Variants in GLRA3 observed in about 807,000 individuals in gnomAD.
The protein encoded by GLRA3 is glycine receptor subunit alpha-3.
GLRA3 carries 44 observed loss-of-function variants against 60.4 expected under a neutral mutation model. The ratio of observed to expected loss-of-function variants is 0.73; its 90% CI spans 0.57 to 0.94. GLRA3 has a LOEUF of 0.94. GLRA3 is among the 40% of genes least tolerant of loss of function. The pLI, the probability that GLRA3 is intolerant of heterozygous loss-of-function variation, is 0.00. For missense variants in GLRA3, 508 were observed against 564.6 expected (o/e 0.90, Z 1.02); for synonymous variants, 223 against 192.9 (o/e 1.16, Z -1.29).
intron 9 of GLRA3, among the ~76,000 whole-genome samples, chr4:174,645,367 G>A (rs1022453570): frequency 2.1e-5 from 3 of 143,264 alleles, no homozygotes; most frequent in African/African-American, 8.0e-5. Context: ...AGCTGAGATC[G>A]CACCACTGCA....
chr4:174,637,407 A>G lies in GLRA3; in HGVS notation c.*6379T>C, dbSNP rs1327750338. ...CCCCCCCCATATTATCATTTATCATACATTAAAATACAAATTTAAGTAATG... is the reference window on the plus strand; with the variant it reads ...CCCCCCCCATATTATCATTTATCATGCATTAAAATACAAATTTAAGTAATG... On this transcript the variant is annotated 3_prime_UTR_variant, in exon 10 of 10. Transcript: ENST00000274093. 1 of 152,034 alleles carries G rather than the reference A, an allele frequency of 6.6e-6. No individual in the cohort carries two copies. Among genetic ancestry groups the G allele is most frequent in the Non-Finnish European group, 1.5e-5 (1 of 68,012 alleles). 9.4% of individuals were successfully genotyped at this position (152,034 alleles called of 1,614,324 possible).
intron 3 of GLRA3, among the ~76,000 whole-genome samples, chr4:174,741,261 AAATT>A (rs1232457896): frequency 6.6e-6 from 1 of 152,188 alleles, no homozygotes; most frequent in East Asian, 1.9e-4. Flanking sequence ...TTTGTTTAAA[AAATT>A]AATTTCACCT....
At chr4:174,644,140 C>T (rs55885329) in intron 9 of GLRA3, 76 bp from the exon 10 acceptor site, 17,400 of 775,172 alleles carry the variant, frequency 0.022, 247 homozygotes, top group Middle Eastern at 0.03. Flanking sequence ...GAATCATAAC[C>T]AATTTTATCA....
chr4:174,811,185 G>GTT lies in GLRA3; in HGVS notation c.71+17554_71+17555dup, dbSNP rs76452779. Among the ~76,000 whole-genome samples, 674 of 113,904 alleles carry GTT rather than the reference G, an allele frequency of 5.9e-3. 6 individuals are homozygous for GTT. Among genetic ancestry groups the GTT allele is most frequent in the African/African-American group, 0.019 (603 of 31,794 alleles). The allele number at this position is 113,904 out of a possible 152,430, so 74.7% of individuals were successfully genotyped here. The stretch of plus-strand genomic sequence containing the variant: ...GCATGCACAAGGTACTTCCCCGCCT[G>GTT]TTTTTTTTTTTTTTTTTTAATGAAA... On this transcript the variant is annotated intron_variant, in intron 1 of 9. Coordinates refer to ENST00000274093, the MANE Select transcript of GLRA3 (RefSeq NM_006529.4).
intron 5 of GLRA3, among the ~76,000 whole-genome samples, chr4:174,690,986 C>T (rs547173910): frequency 6.6e-6 from 1 of 152,156 alleles, no homozygotes; most frequent in Non-Finnish European, 1.5e-5. Context: ...CATTCGTGTG[C>T]ATGTGTCTTT....
rs188895786 is a variant in GLRA3, at chr4:174,779,728, A to C, written c.199+9088T>G. Among the ~76,000 whole-genome samples the C allele has an allele frequency of 4.8e-3, 724 of 152,274 alleles. 6 individuals carry two copies. Among genetic ancestry groups the C allele is most frequent in the African/African-American group, 0.017 (696 of 41,558 alleles). ...AAGGGTATCAGAGATGGAAGATGAA[A>C]TGAATGAAATGAAGCAAGAAGGGAA... is the stretch of plus-strand genomic sequence containing the variant. On this transcript the variant is annotated intron_variant, in intron 2 of 9. Transcript: ENST00000274093.
At chr4:174,801,195 C>T (rs1739798272) in intron 1 of GLRA3, among the ~76,000 whole-genome samples, 1 of 152,080 alleles carries the variant, frequency 6.6e-6, no homozygotes, top group Non-Finnish European at 1.5e-5. Flanking sequence ...CCACACCAGC[C>T]TCTTTCACCA....
At chr4:174,771,488 A>G (rs1738384225) in intron 2 of GLRA3, among the ~76,000 whole-genome samples, 1 of 151,954 alleles carries the variant, frequency 6.6e-6, no homozygotes, top group African/African-American at 2.4e-5. Context: ...AATCTGAGAA[A>G]CATTATTTGG....
intron 4 of GLRA3, 78 bp downstream of exon 4, chr4:174,728,397 T>G (rs1330484016): frequency 3.8e-6 from 3 of 797,954 alleles, no homozygotes; most frequent in Non-Finnish European, 6.2e-6. Flanking sequence ...ATGTCAAAAC[T>G]TTCACCAAAC....
intron 7 of GLRA3, among the ~76,000 whole-genome samples, chr4:174,676,397 A>G (rs1170992934): frequency 1.3e-5 from 2 of 148,194 alleles, no homozygotes; most frequent in African/African-American, 2.5e-5. Context: ...TACTTGTAGT[A>G]TAATTGGTAT....
chr4:174,705,359 C>T (rs1313694397), intron 5 of GLRA3, among the ~76,000 whole-genome samples: 4 of 144,150 alleles, frequency 2.8e-5, no homozygotes. Flanking sequence ...TGAGCCAATA[C>T]ATTTCTATCC....
chr4:174,710,401 C>A (rs779740097), intron 5 of GLRA3, among the ~76,000 whole-genome samples: 12 of 152,094 alleles, frequency 7.9e-5, no homozygotes, highest in Non-Finnish European at 1.6e-4. Context: ...GAATCACCTT[C>A]TTTTTTCAGA....
intron 1 of GLRA3, among the ~76,000 whole-genome samples, chr4:174,818,805 G>GA (rs931545619): frequency 6.6e-6 from 1 of 151,938 alleles, no homozygotes; most frequent in East Asian, 1.9e-4. Context: ...GTAGGATACA[G>GA]AAAAAAAGAA....
intron 2 of GLRA3, among the ~76,000 whole-genome samples, chr4:174,782,967 A>C (rs1738952930): frequency 6.6e-6 from 1 of 152,162 alleles, no homozygotes; most frequent in South Asian, 2.1e-4. Context: ...GGAAAAAACT[A>C]CTTTAAAGTT....
intron 3 of GLRA3, among the ~76,000 whole-genome samples, chr4:174,742,634 A>C (rs1235037929): frequency 6.6e-6 from 1 of 152,162 alleles, no homozygotes; most frequent in Non-Finnish European, 1.5e-5. Flanking sequence ...AAGAAGATAG[A>C]TGGAAATTCA....
intron 4 of GLRA3, chr4:174,722,695 C>G (rs1224358093): frequency 6.1e-6 from 1 of 164,004 alleles, no homozygotes; most frequent in African/African-American, 2.4e-5. Context: ...TATGTAAGTT[C>G]AATTAGTCGT....
At chr4:174,668,332 C>A (rs56177870) in intron 7 of GLRA3, among the ~76,000 whole-genome samples, 13,192 of 152,132 alleles carry the variant, frequency 0.087, 1,675 homozygotes, top group African/African-American at 0.28. Context: ...TTCATAACTA[C>A]GTTTACTTTT....
intron 1 of GLRA3, among the ~76,000 whole-genome samples, chr4:174,820,279 T>C (rs988292329): frequency 6.6e-6 from 1 of 152,194 alleles, no homozygotes; most frequent in Admixed American, 6.5e-5. Flanking sequence ...CCTCGTCAAA[T>C]GTTCCCCTGA....
intron 3 of GLRA3, among the ~76,000 whole-genome samples, chr4:174,765,156 C>A (rs1359581211): frequency 6.7e-6 from 1 of 149,098 alleles, no homozygotes; most frequent in African/African-American, 2.5e-5. Flanking sequence ...ATCCTGCAAG[C>A]TTTTGCAGAA....
Sources: gnomAD v4.1 joint callset for allele counts (sites outside exome capture counted in the v4.1 genomes callset) on GRCh38, gnomAD v4.1.1 for gene constraint, MANE v1.5 for transcripts, NCBI Gene and HGNC (gene_info 2026-07-23, HGNC 2026-07-21) for gene names.